The following CSTF3 variants were observed in gnomAD, a reference collection of about 807,000 sequenced individuals.
The protein encoded by CSTF3 is CF-1 77 kDa subunit.
In CSTF3, 29 loss-of-function variants were observed where a neutral mutation model predicts 105.8. That is an observed-to-expected ratio of 0.27 (90% CI 0.20 to 0.37). The LOEUF (loss-of-function observed/expected upper bound fraction) is 0.37, where lower values mean the gene tolerates loss of function less well. Ranked by LOEUF, CSTF3 falls within the 10% of genes least tolerant of loss-of-function variation. CSTF3 has a pLI of 1.00. For synonymous variants in CSTF3, 252 were observed against 281.9 expected, an observed-to-expected ratio of 0.89 and a Z score of 1.06; for missense variants, 357 against 879.3, an observed-to-expected ratio of 0.41 and a Z score of 7.51.
At chr11:33,112,346 C>T (rs1855388019) in intron 3 of CSTF3, among the ~76,000 whole-genome samples, 1 of 152,106 alleles carries the variant, frequency 6.6e-6, no homozygotes, top group East Asian at 1.9e-4. Flanking sequence ...TTAATTACTT[C>T]CTCTCTTACA....
Position 33,102,157 on chromosome 11 carries a change from A to G in CSTF3, c.826+20T>C. The G allele has an allele frequency of 6.2e-7, 1 of 1,610,744 alleles. No individual in the cohort carries two copies. The highest frequency in any genetic ancestry group is 8.5e-7 in the Non-Finnish European group (1 of 1,178,076). On this transcript the variant is annotated intron_variant, in intron 10 of 20. Coordinates refer to ENST00000323959, the MANE Select transcript of CSTF3 (RefSeq NM_001326.3). ...CTAACATACATGTAACTGAAGTCCC[A>G]TGAGGGTTAATCATGTTACCTCTTT...
At chr11:33,131,513 C>G (rs889956354) in intron 3 of CSTF3, among the ~76,000 whole-genome samples, 1 of 152,064 alleles carries the variant, frequency 6.6e-6, no homozygotes, top group African/African-American at 2.4e-5. Context: ...ACTAGAAGCC[C>G]ACATGGAGGA....
intron 3 of CSTF3, among the ~76,000 whole-genome samples, chr11:33,133,679 T>C (rs1855623504): frequency 6.6e-6 from 1 of 152,214 alleles, no homozygotes; most frequent in East Asian, 1.9e-4. Flanking sequence ...ACCCCATCTC[T>C]ACTAAAAATA....
intron 3 of CSTF3, among the ~76,000 whole-genome samples, chr11:33,126,061 A>G (rs147025915): frequency 0.01 from 1,531 of 152,176 alleles, 23 homozygotes; most frequent in African/African-American, 0.035. Flanking sequence ...AAAAGATTAG[A>G]AAAAAAATGT....
Position 33,157,245 on chromosome 11 carries a change from C to A in CSTF3, c.27+4054G>T, listed in dbSNP as rs57833545. ...TGGCGTGTGCTTGTAATCCCAGCTACTCAAGAGGCTGAGGCAGGAGAATTG... is the reference window on the plus strand; with the variant it reads ...TGGCGTGTGCTTGTAATCCCAGCTAATCAAGAGGCTGAGGCAGGAGAATTG... On this transcript the variant is annotated intron_variant, in intron 1 of 20. Coordinates refer to ENST00000323959, the MANE Select transcript of CSTF3 (RefSeq NM_001326.3). Among the ~76,000 whole-genome samples the A allele has an allele frequency of 4.2e-3, 641 of 152,166 alleles. 5 individuals are homozygous for A. The highest frequency in any genetic ancestry group is 0.015 in the African/African-American group (611 of 41,522).
chr11:33,135,332 T>C (rs1020302696), intron 3 of CSTF3, among the ~76,000 whole-genome samples: 2 of 152,184 alleles, frequency 1.3e-5, no homozygotes, highest in Non-Finnish European at 1.5e-5. Context: ...AATCACTTTA[T>C]TGTCCAGGCA....
chr11:33,161,351 A>G lies in CSTF3; in HGVS notation c.-26T>C. ...GGCCTCAGCTGATTACAACGTGCGC[A>G]CTGACCGTCGATGGGAAGCTAGAAA... On this transcript the variant is annotated 5_prime_UTR_variant, in exon 1 of 21. Coordinates refer to ENST00000323959, the MANE Select transcript of CSTF3 (RefSeq NM_001326.3). 6.2e-7 allele frequency: 1 copy of G among 1,611,864 alleles called. No individual in the cohort carries two copies. The highest frequency in any genetic ancestry group is 1.7e-5 in the Admixed American group (1 of 60,008).
intron 3 of CSTF3, among the ~76,000 whole-genome samples, chr11:33,131,271 TTG>T (rs1470416320): frequency 2.6e-5 from 4 of 152,184 alleles, no homozygotes; most frequent in African/African-American, 7.2e-5. Context: ...CTAAAAAGGT[TTG>T]CTTAAATTCT....
At chr11:33,108,907 C>T (rs1855352591) in intron 3 of CSTF3, among the ~76,000 whole-genome samples, 1 of 152,196 alleles carries the variant, frequency 6.6e-6, no homozygotes, top group Admixed American at 6.5e-5. Flanking sequence ...CAAGACAGGT[C>T]TGCCCCTGCC....
chr11:33,145,783 C>G (rs912977214), intron 1 of CSTF3, among the ~76,000 whole-genome samples: 4 of 152,130 alleles, frequency 2.6e-5, no homozygotes, highest in African/African-American at 7.2e-5. Context: ...CACTGCACTC[C>G]AGCCTGCATG....
chr11:33,115,612 T>TA (rs1855423717), intron 3 of CSTF3, among the ~76,000 whole-genome samples: 1 of 151,824 alleles, frequency 6.6e-6, no homozygotes, highest in African/African-American at 2.4e-5. Context: ...GGCCCTTTTC[T>TA]AGCACTGGAG....
intron 14 of CSTF3, 118 bp downstream of exon 14, chr11:33,096,717 A>T (rs1855226701): frequency 1.0e-5 from 10 of 964,334 alleles, no homozygotes; most frequent in Non-Finnish European, 1.5e-5. Context: ...ATACACTTAG[A>T]CTGCCTTTAC....
At chr11:33,135,332 T>G (rs1020302696) in intron 3 of CSTF3, among the ~76,000 whole-genome samples, 1 of 152,184 alleles carries the variant, frequency 6.6e-6, no homozygotes, top group Non-Finnish European at 1.5e-5. Flanking sequence ...AATCACTTTA[T>G]TGTCCAGGCA....
chr11:33,106,751 C>A (rs1245649576), intron 5 of CSTF3, among the ~76,000 whole-genome samples: 1 of 151,966 alleles, frequency 6.6e-6, no homozygotes, highest in East Asian at 1.9e-4. Context: ...GTGAGCTTAT[C>A]AAAAATAAGG....
At chr11:33,102,056 T>G (rs559917409) in intron 10 of CSTF3, 121 bp downstream of exon 10, 12 of 671,300 alleles carry the variant, frequency 1.8e-5, no homozygotes, top group South Asian at 1.2e-4. Flanking sequence ...CTATAGGAAT[T>G]ATTGAATCTG....
intron 17 of CSTF3, among the ~76,000 whole-genome samples, chr11:33,088,288 TC>T (rs1194406342): frequency 1.4e-5 from 2 of 140,254 alleles, no homozygotes; most frequent in African/African-American, 6.3e-5. Context: ...ATACTTACTC[TC>T]TTTTTTTTTT....
chr11:33,130,042 G>C (rs1855582311), intron 3 of CSTF3, among the ~76,000 whole-genome samples: 1 of 152,166 alleles, frequency 6.6e-6, no homozygotes, highest in Non-Finnish European at 1.5e-5. Context: ...TAAAGATTTA[G>C]TTTTAATAAA....
At chr11:33,131,429 C>G (rs145226703) in intron 3 of CSTF3, among the ~76,000 whole-genome samples, 1 of 152,080 alleles carries the variant, frequency 6.6e-6, no homozygotes, top group East Asian at 1.9e-4. Flanking sequence ...TATAAACCTA[C>G]TATATATTAA....
chr11:33,111,335 G>A (rs1374004759), intron 3 of CSTF3, among the ~76,000 whole-genome samples: 1 of 152,158 alleles, frequency 6.6e-6, no homozygotes, highest in Non-Finnish European at 1.5e-5. Flanking sequence ...TCCACCAGTG[G>A]GGAAATAGTT....
Sources: allele counts gnomAD v4.1 joint callset (sites outside exome capture counted in the v4.1 genomes callset), GRCh38; gene constraint gnomAD v4.1.1; transcripts MANE v1.5; gene names NCBI Gene and HGNC (gene_info 2026-07-23, HGNC 2026-07-21).